LIMS1: variants seen among roughly 807,000 people sequenced by gnomAD.
LIMS1 encodes the protein LIM zinc finger domain containing 1.
Under a neutral mutation model 44.1 loss-of-function variants are expected in LIMS1, and 18 were observed. The observed-to-expected ratio is 0.41, with a 90% CI of 0.28 to 0.61. LIMS1 has a LOEUF of 0.61. LIMS1 is among the 20% of genes least tolerant of loss of function. The pLI is 0.32. For missense variants in LIMS1, 201 were observed against 422.0 expected (o/e 0.48, Z 4.59); for synonymous variants, 93 against 149.1 (o/e 0.62, Z 2.74).
Position 108,627,424 on chromosome 2 carries a change from C to T in LIMS1, c.33-32181C>T, listed in dbSNP as rs199995112. Among the ~76,000 whole-genome samples the T allele has an allele frequency of 2.5e-4, 30 of 119,508 alleles. No homozygotes were observed. The East Asian group carries it at 6.7e-3, about 27-fold the overall frequency. The allele number at this position is 119,508 out of a possible 152,430, so 78.4% of individuals were successfully genotyped here. A position where few individuals can be genotyped will look rare whatever the true frequency, so the allele number is the denominator to read the frequency against. ...GGTTTTTTTTTTTTTTTTTTTTGCA[C>T]TGCTATAGGAGACATTTAGGAACGA... is the stretch of plus-strand genomic sequence containing the variant. On this transcript the variant is annotated intron_variant, in intron 1 of 9. Coordinates refer to ENST00000544547, the Ensembl canonical transcript of LIMS1.
Position 108,676,234 on chromosome 2 carries a change from T to G in LIMS1, c.681+206T>G, listed in dbSNP as rs111596782. Among the ~76,000 whole-genome samples the G allele has an allele frequency of 5.1e-4, 78 of 152,310 alleles. 2 individuals are homozygous for G. Among genetic ancestry groups the G allele is most frequent in the East Asian group, 2.3e-3 (12 of 5,184 alleles). On this transcript the variant is annotated intron_variant, in intron 6 of 9. Coordinates refer to ENST00000544547, the Ensembl canonical transcript of LIMS1. The stretch of plus-strand genomic sequence containing the variant: ...GACTTTGCTGACAGCTAAGAATATA[T>G]AATGTACACTGCTTTTGTGAATGTC...
intron 1 of LIMS1, among the ~76,000 whole-genome samples, chr2:108,556,634 C>G (rs376474497): frequency 1.3e-5 from 2 of 152,240 alleles, no homozygotes. Context: ...CCCTCCCTTC[C>G]TTTGTTGGAG....
chr2:108,627,501 T>A (rs10209570), intron 1 of LIMS1, among the ~76,000 whole-genome samples: 66,011 of 150,670 alleles, frequency 0.44, 15,900 homozygotes, highest in East Asian at 0.95. Context: ...GTACGCATCA[T>A]ATTATCTAAA....
intron 1 of LIMS1, among the ~76,000 whole-genome samples, chr2:108,581,117 T>C (rs943910648): frequency 6.6e-6 from 1 of 152,206 alleles, no homozygotes; most frequent in Admixed American, 6.5e-5. Flanking sequence ...GAATGAGTAT[T>C]GTTAAAGGAA....
chr2:108,663,405 C>T (rs924584880), intron 2 of LIMS1, among the ~76,000 whole-genome samples: 1 of 152,212 alleles, frequency 6.6e-6, no homozygotes, highest in Non-Finnish European at 1.5e-5. Context: ...AACCCAGAGG[C>T]CCTAACGCTA....
intron 1 of LIMS1, among the ~76,000 whole-genome samples, chr2:108,647,878 G>T (rs1017382421): frequency 2.0e-5 from 3 of 152,262 alleles, no homozygotes; most frequent in African/African-American, 7.2e-5. Flanking sequence ...GCAAAAACTG[G>T]AAGCAATCCC....
chr2:108,648,923 G>T (rs193031934), intron 1 of LIMS1, among the ~76,000 whole-genome samples: 1 of 152,150 alleles, frequency 6.6e-6, no homozygotes, highest in South Asian at 2.1e-4. Flanking sequence ...ATAGGCATGG[G>T]CAAGGACTTC....
At chr2:108,577,002 G>A (rs760739705) in intron 1 of LIMS1, among the ~76,000 whole-genome samples, 5 of 152,168 alleles carry the variant, frequency 3.3e-5, no homozygotes, top group Non-Finnish European at 5.9e-5. Context: ...ACCATTGTTT[G>A]ATTTTCACTA....
rs1553455344 is a variant in LIMS1 at position 108,583,700 on chromosome 2, C to CTTTTTA, written c.32+49111_32+49112insATTTTT. Among the ~76,000 whole-genome samples the CTTTTTA allele has an allele frequency of 4.6e-5, 6 of 129,872 alleles. No homozygotes were observed. In the East Asian group the frequency reaches 1.5e-3, roughly 33 times the overall value. 85.2% of individuals were successfully genotyped at this position (129,872 alleles called of 152,430 possible). The stretch of plus-strand genomic sequence containing the variant: ...TCCTGTTATTTTGTTGTTGCTGTTT[C>CTTTTTA]TTTTTTTTTTTTTTGAGATGGAGTC... On this transcript the variant is annotated intron_variant, in intron 1 of 9. Transcript: ENST00000544547.
chr2:108,550,275 C>T (rs1462719952), intron 1 of LIMS1, among the ~76,000 whole-genome samples: 1 of 150,258 alleles, frequency 6.7e-6, no homozygotes, highest in Non-Finnish European at 1.5e-5. Flanking sequence ...GTAGGAGGAT[C>T]GTGAGGTCAG....
chr2:108,636,348 G>A (rs1346837539), intron 1 of LIMS1, among the ~76,000 whole-genome samples: 2 of 152,344 alleles, frequency 1.3e-5, no homozygotes, highest in East Asian at 3.9e-4. Flanking sequence ...CACCATCAGG[G>A]TCCAAGGCAC....
chr2:108,613,517 T>C (rs986066065), intron 1 of LIMS1, among the ~76,000 whole-genome samples: 6 of 152,062 alleles, frequency 3.9e-5, no homozygotes, highest in Non-Finnish European at 7.4e-5. Flanking sequence ...CACATCTCTG[T>C]GTCCACTCTC....
At chr2:108,543,451 G>A (rs1364602355) in intron 1 of LIMS1, among the ~76,000 whole-genome samples, 2 of 152,174 alleles carry the variant, frequency 1.3e-5, no homozygotes, top group Non-Finnish European at 1.5e-5. Context: ...AACCTACCAA[G>A]AGTTTTGCCT....
intron 1 of LIMS1, among the ~76,000 whole-genome samples, chr2:108,637,329 A>T (rs1234170219): frequency 6.6e-6 from 1 of 152,154 alleles, no homozygotes; most frequent in Admixed American, 6.5e-5. Flanking sequence ...ATTCTGTTCT[A>T]TTCTGAAATT....
chr2:108,646,968 G>T (rs529057387), intron 1 of LIMS1, among the ~76,000 whole-genome samples: 1 of 152,076 alleles, frequency 6.6e-6, no homozygotes, highest in African/African-American at 2.4e-5. Context: ...TGATCCGCCC[G>T]CCTCGGCCTC....
intron 1 of LIMS1, among the ~76,000 whole-genome samples, chr2:108,552,355 CTA>C (rs577028714): frequency 5.9e-5 from 8 of 135,980 alleles, no homozygotes; most frequent in Admixed American, 2.3e-4. Flanking sequence ...ATATATGAAA[CTA>C]TATACTATAC....
At chr2:108,652,539 C>G (rs1371680974) in intron 1 of LIMS1, among the ~76,000 whole-genome samples, 1 of 152,166 alleles carries the variant, frequency 6.6e-6, no homozygotes, top group Non-Finnish European at 1.5e-5. Flanking sequence ...TTGGAGTGTG[C>G]AGAGGTATGT....
At chr2:108,575,803 G>A (rs776613111) in intron 1 of LIMS1, among the ~76,000 whole-genome samples, 57 of 151,870 alleles carry the variant, frequency 3.8e-4, no homozygotes, top group South Asian at 1.2e-3. Context: ...CCTTTTGTGC[G>A]TTTGTGTGTG....
chr2:108,679,914 G>A (rs796638748), intron 8 of LIMS1, among the ~76,000 whole-genome samples: 40 of 151,864 alleles, frequency 2.6e-4, no homozygotes, highest in African/African-American at 8.5e-4. Context: ...AAAAACAAAA[G>A]AAAAGAAGCT....
Sources: allele counts gnomAD v4.1 joint callset (sites outside exome capture counted in the v4.1 genomes callset), GRCh38; gene constraint gnomAD v4.1.1; transcripts MANE v1.5; gene names NCBI Gene and HGNC (gene_info 2026-07-23, HGNC 2026-07-21).